The following UBR4 variants were observed in gnomAD, a reference collection of about 807,000 sequenced individuals.
UBR4 encodes the protein E3 ubiquitin-protein ligase UBR4.
A neutral mutation model predicts 575.6 loss-of-function variants in UBR4; 124 were observed. The ratio of observed to expected loss-of-function variants is 0.22; its 90% CI spans 0.19 to 0.25. The LOEUF (loss-of-function observed/expected upper bound fraction) is 0.25. UBR4 is among the 10% of genes least tolerant of loss of function. The pLI, the probability that UBR4 is intolerant of heterozygous loss-of-function variation, is 1.00. For synonymous variants in UBR4, 2,455 were observed against 2,473.7 expected (o/e 0.99, Z 0.22); for missense variants, 4,818 against 6,478.8 (o/e 0.74, Z 8.80).
At chr1:19,174,905 G>A (rs201205145) in intron 21 of UBR4, 49 bp downstream of exon 21, 15 of 1,550,706 alleles carry the variant, frequency 9.7e-6, no homozygotes, top group East Asian at 6.7e-5. Context: ...TGATTCTGGT[G>A]GAAACCATCT....
At position 19,121,293 on chromosome 1, in the gene UBR4, G is replaced by C. The variant is rs1377191324; in HGVS notation, c.10037C>G (p.Ser3346Cys). The change falls in exon 68 of 106, where the codon TCT becomes TGT. Residue 3346 changes from serine to cysteine, a missense_variant. By Grantham distance (112) the Ser-to-Cys change is moderately radical (BLOSUM62 -1). This residue lies in a region of UBR4 where 550 missense variants were observed against 791.5 expected (regional missense o/e 0.69). Coordinates refer to ENST00000375254, the MANE Select transcript of UBR4 (RefSeq NM_020765.3). The stretch of plus-strand genomic sequence containing the variant: ...GGCAGCCACAGGGGCTGAGGAGGAA[G>C]AAGCACTGGAGGATCCCGAAGAGGC... The part of the protein sequence containing the change: ...LAASSGSSSA[S>C]SSSAPVAASS... 2 of 1,614,216 alleles carry C rather than the reference G, an allele frequency of 1.2e-6. No individual in the cohort carries two copies. The highest frequency in any genetic ancestry group is 3.3e-5 in the Admixed American group (2 of 60,018).
rs768790878 is a variant in UBR4 at position 19,146,814 on chromosome 1, G to C, written c.7804+12C>G. The C allele has an allele frequency of 1.2e-6, 2 of 1,609,938 alleles. No homozygotes were observed. Among genetic ancestry groups the C allele is most frequent in the East Asian group, 2.2e-5 (1 of 44,758 alleles). On this transcript the variant is annotated intron_variant, in intron 52 of 105. Transcript: ENST00000375254. ...CAGATCTCAGGACCACGGCCACAGAGGCCAAGTTCACCTGTTTCCATCTGG... is the reference window on the plus strand; with the variant it reads ...CAGATCTCAGGACCACGGCCACAGACGCCAAGTTCACCTGTTTCCATCTGG...
chr1:19,168,902 C>T (rs142490518), intron 27 of UBR4, among the ~76,000 whole-genome samples: 12,796 of 149,388 alleles, frequency 0.086, 642 homozygotes, highest in Non-Finnish European at 0.12. Flanking sequence ...GGTGTGAACC[C>T]GGGAGGCGGA....
intron 89 of UBR4, 41 bp from the exon 90 acceptor site, chr1:19,099,718 G>T (rs1295223371): frequency 2.1e-5 from 33 of 1,566,310 alleles, no homozygotes; most frequent in Non-Finnish European, 2.9e-5. Flanking sequence ...CCAAATAATT[G>T]TAAGACAAGT....
Position 19,096,565 on chromosome 1 carries a change from G to C in UBR4, c.13476C>G (p.Leu4492=), listed in dbSNP as rs757232869. 6.2e-7 allele frequency: 1 copy of C among 1,613,332 alleles called. No homozygotes were observed. Among genetic ancestry groups the C allele is most frequent in the Non-Finnish European group, 8.5e-7 (1 of 1,179,790 alleles). ...CCTGCTTGAAATCTCTGATCCCTGCGAGTCTGTTAAGCATGCATTCCAGGC... is the reference window on the plus strand; with the variant it reads ...CCTGCTTGAAATCTCTGATCCCTGCCAGTCTGTTAAGCATGCATTCCAGGC... ...CGGLECMLNR[L]AGIRDFKQGR... The change falls in exon 92 of 106, where the codon CTC becomes CTG. Residue 4492 remains leucine, a synonymous_variant. Coordinates refer to ENST00000375254, the MANE Select transcript of UBR4 (RefSeq NM_020765.3).
intron 102 of UBR4, among the ~76,000 whole-genome samples, chr1:19,083,914 GCCTT>G (rs920813720): frequency 1.3e-5 from 2 of 152,076 alleles, no homozygotes; most frequent in African/African-American, 2.4e-5. Context: ...TTTCCTGGCT[GCCTT>G]CCTTGTCGGT....
At position 19,117,398 on chromosome 1, in the gene UBR4, G is replaced by A; in HGVS notation, c.10646C>T (p.Ser3549Phe). 2.5e-6 allele frequency: 4 copies of A among 1,614,152 alleles called. No homozygotes were observed. Among genetic ancestry groups the A allele is most frequent in the Non-Finnish European group, 3.4e-6 (4 of 1,180,022 alleles). Residue 3549 changes from serine (S) to phenylalanine (F), a missense_variant, in exon 73 of 106, where the codon TCC (serine) becomes TTC (phenylalanine). Around this residue, in one of 29 missense-constraint regions of UBR4, gnomAD observed 550 missense variants for 791.5 expected, o/e 0.69. Coordinates refer to ENST00000375254, the MANE Select transcript of UBR4 (RefSeq NM_020765.3). The surrounding 1 kb of genome is among the most constrained non-coding windows in gnomAD (Gnocchi z 4.0). ...GGTGTACCGCGTGTCCACTTTAATG[G>A]AAGACAGCTTGATATACTAAATACA... ...EVPFCYIKLS[S>F]IKVDTRYTTT...
At position 19,104,175 on chromosome 1, in the gene UBR4, G is replaced by A. The variant is rs1236905826; in HGVS notation, c.12810C>T (p.Tyr4270=). The A allele has an allele frequency of 6.2e-7, 1 of 1,614,188 alleles. No homozygotes were observed. Among genetic ancestry groups the A allele is most frequent in the East Asian group, 2.2e-5 (1 of 44,888 alleles). Residue 4270 remains tyrosine, a synonymous_variant, in exon 87 of 106, where the codon TAC becomes TAT. Coordinates refer to ENST00000375254, the MANE Select transcript of UBR4 (RefSeq NM_020765.3). ...GCACCACCAGCTTCCGCAAGCACAG[G>A]TATCCATTCAGCACAGTACCCACCA... The part of the protein sequence containing the change: ...SRLVGTVLNG[Y]LCLRKLVVQR...
rs2078570417 is a variant in UBR4, at chr1:19,100,976, C to A, written c.13024-403G>T. Among the ~76,000 whole-genome samples the A allele has an allele frequency of 6.6e-6, 1 of 152,062 alleles. No homozygotes were observed. The highest frequency in any genetic ancestry group is 1.5e-5 in the Non-Finnish European group (1 of 68,030). On this transcript the variant is annotated intron_variant, in intron 88 of 105. Coordinates refer to ENST00000375254, the MANE Select transcript of UBR4 (RefSeq NM_020765.3). This position sits in a 1 kb window ranked among gnomAD's most constrained non-coding sequence, Gnocchi z 4.2. ...GATGACCCTGAAGTCAAGAAAAGGG[C>A]TTCTCTATGGGACATGACACTCAGG...
Position 19,100,269 on chromosome 1 carries a change from C to T in UBR4, c.13221+107G>A, listed in dbSNP as rs1033553638. On this transcript the variant is annotated intron_variant, in intron 89 of 105. Coordinates refer to ENST00000375254, the MANE Select transcript of UBR4 (RefSeq NM_020765.3). The surrounding 1 kb of genome is among the most constrained non-coding windows in gnomAD (Gnocchi z 4.2). ...CTTACAGAGTGGAGAAACTGAAGGC[C>T]ACCTGCCCCAAGTTAATCAGCTACT... 2 of 1,260,452 alleles carry T rather than the reference C, an allele frequency of 1.6e-6. No homozygotes were observed. The highest frequency in any genetic ancestry group is 2.3e-6 in the Non-Finnish European group (2 of 882,644). The allele number at this position is 1,260,452 out of a possible 1,614,324, so 78.1% of individuals were successfully genotyped here.
intron 93 of UBR4, 40 bp downstream of exon 93, chr1:19,095,505 C>G: frequency 6.3e-7 from 1 of 1,595,504 alleles, no homozygotes; most frequent in Non-Finnish European, 8.6e-7. Flanking sequence ...CCCAGACTTC[C>G]AAGGCCCACT....
At chr1:19,141,108 G>A (rs1223475221) in intron 57 of UBR4, among the ~76,000 whole-genome samples, 2 of 152,226 alleles carry the variant, frequency 1.3e-5, no homozygotes, top group African/African-American at 4.8e-5. Flanking sequence ...ACAGGCTGGA[G>A]GAATCTAAGA....
At chr1:19,121,526 CCT>C in intron 67 of UBR4, 92 bp from the exon 68 acceptor site, 2 of 1,451,300 alleles carry the variant, frequency 1.4e-6, no homozygotes, top group Non-Finnish European at 1.9e-6. Flanking sequence ...CTGAGACTGC[CCT>C]GTTCTCACCA....
intron 101 of UBR4, among the ~76,000 whole-genome samples, chr1:19,085,216 C>A (rs1470731134): frequency 6.6e-6 from 1 of 152,222 alleles, no homozygotes; most frequent in Non-Finnish European, 1.5e-5. Flanking sequence ...CTCATCTGTA[C>A]AATGTATACA....
At chr1:19,083,809 G>A (rs970917435) in intron 102 of UBR4, among the ~76,000 whole-genome samples, 11 of 152,202 alleles carry the variant, frequency 7.2e-5, no homozygotes, top group African/African-American at 9.7e-5. Flanking sequence ...GTGAGCCACC[G>A]TGCCTGGCCT....
At chr1:19,205,014 C>T (rs981902652) in intron 1 of UBR4, among the ~76,000 whole-genome samples, 9 of 152,000 alleles carry the variant, frequency 5.9e-5, no homozygotes, top group Non-Finnish European at 1.0e-4. Context: ...AATATAAGCA[C>T]GGGAAGGAAA....
intron 24 of UBR4, 34 bp downstream of exon 24, chr1:19,173,147 C>G (rs1358717093): frequency 6.2e-7 from 1 of 1,613,816 alleles, no homozygotes; most frequent in East Asian, 2.2e-5. Flanking sequence ...TGGTAGAAAC[C>G]AAGTTCTATC....
chr1:19,164,159 C>G, intron 33 of UBR4, 94 bp downstream of exon 33: 1 of 1,423,876 alleles, frequency 7.0e-7, no homozygotes. Flanking sequence ...GGTAGAGATT[C>G]AAATTTCTTC....
chr1:19,102,662 A>C lies in UBR4; in HGVS notation c.12902-1021T>G, dbSNP rs531967924. On this transcript the variant is annotated intron_variant, in intron 87 of 105. Transcript: ENST00000375254. ...TCGGGAAGCCAGGGAGATAAGCAAA[A>C]CACGAGTCAGTTTTTGCGTTGAGCT... 2.0e-5 allele frequency among the ~76,000 whole-genome samples: 3 copies of C among 152,344 alleles called. No homozygotes were observed. In the South Asian group the frequency reaches 6.2e-4, roughly 32 times the overall value.
Sources: allele counts gnomAD v4.1 joint callset (sites outside exome capture counted in the v4.1 genomes callset), GRCh38; gene constraint gnomAD v4.1.1; regional missense constraint gnomAD v4.1.1; non-coding constraint Gnocchi (gnomAD v3.1); transcripts MANE v1.5; gene names NCBI Gene and HGNC (gene_info 2026-07-23, HGNC 2026-07-21).